RNF130: variants seen among roughly 807,000 people sequenced by gnomAD.
The protein encoded by RNF130 is ring finger protein 130, also known as E3 ubiquitin-protein ligase RNF130.
RNF130 carries 21 observed loss-of-function variants against 44.6 expected under a neutral mutation model. That is an observed-to-expected ratio of 0.47 (90% CI 0.33 to 0.68). The LOEUF (loss-of-function observed/expected upper bound fraction) is 0.68. Ranked by LOEUF, RNF130 falls within the 30% of genes least tolerant of loss-of-function variation. The pLI is 0.02. For synonymous variants in RNF130, 214 were observed against 210.4 expected (o/e 1.02, Z -0.15); for missense variants, 479 against 560.6 (o/e 0.85, Z 1.47).
At chr5:180,057,284 C>T (rs949192610) in intron 1 of RNF130, among the ~76,000 whole-genome samples, 7 of 152,356 alleles carry the variant, frequency 4.6e-5, no homozygotes, top group South Asian at 2.1e-4. Flanking sequence ...CACAGTGGCT[C>T]ACGCCTGTAA....
chr5:179,979,308 C>A (rs1352701542), intron 4 of RNF130, among the ~76,000 whole-genome samples: 1 of 150,202 alleles, frequency 6.7e-6, no homozygotes, highest in African/African-American at 2.5e-5. Context: ...AATGTCTCCA[C>A]CCTCTGAAGC....
chr5:180,009,344 C>T (rs1561690482), intron 3 of RNF130, among the ~76,000 whole-genome samples: 2 of 152,082 alleles, frequency 1.3e-5, no homozygotes. Flanking sequence ...CTCTGCAAGC[C>T]ACATATTTGA....
chr5:179,920,797 T>TATA (rs754416676), intron 7 of RNF130, among the ~76,000 whole-genome samples: 47 of 110,668 alleles, frequency 4.2e-4, no homozygotes, highest in African/African-American at 1.2e-3. Flanking sequence ...ATATATATAT[T>TATA]TTTTTTTTTG....
At chr5:180,058,431 T>A (rs1289548158) in intron 1 of RNF130, among the ~76,000 whole-genome samples, 3 of 152,234 alleles carry the variant, frequency 2.0e-5, no homozygotes, top group Admixed American at 2.0e-4. Context: ...ATATGCTAAG[T>A]GAAATAATCC....
intron 1 of RNF130, among the ~76,000 whole-genome samples, chr5:180,061,873 C>T (rs1169511407): frequency 6.6e-6 from 1 of 152,118 alleles, no homozygotes; most frequent in East Asian, 1.9e-4. Flanking sequence ...AACAAAATAC[C>T]TTAGACTGGG....
intron 7 of RNF130, among the ~76,000 whole-genome samples, chr5:179,943,309 A>G (rs996085900): frequency 2.6e-5 from 4 of 152,206 alleles, no homozygotes; most frequent in Non-Finnish European, 5.9e-5. Flanking sequence ...TGAAACCATC[A>G]TATGCTCATA....
At chr5:180,034,093 C>CT (rs34870362) in intron 2 of RNF130, among the ~76,000 whole-genome samples, 52,298 of 145,378 alleles carry the variant, frequency 0.36, 10,211 homozygotes, top group South Asian at 0.61. Flanking sequence ...GTGTTAAATG[C>CT]TTTTTTTTTT....
rs1354818119 is a variant in RNF130 at position 179,987,422 on chromosome 5, G to A, written c.694-7222C>T. ...TGGCTCAAGTGATCCGCCTACCTTG[G>A]TCTCCCAAAGTGCTGCGATTACAGG... On this transcript the variant is annotated intron_variant, in intron 3 of 8. Coordinates refer to ENST00000521389, the MANE Select transcript of RNF130 (RefSeq NM_018434.6). Among the ~76,000 whole-genome samples, 5 of 152,178 alleles carry A rather than the reference G, an allele frequency of 3.3e-5. No individual in the cohort carries two copies. In the East Asian group the frequency reaches 9.6e-4, roughly 29 times the overall value.
chr5:180,043,425 GT>G (rs1429240534), intron 1 of RNF130, among the ~76,000 whole-genome samples: 1 of 152,020 alleles, frequency 6.6e-6, no homozygotes, highest in Non-Finnish European at 1.5e-5. Flanking sequence ...TGGTGATCCA[GT>G]TTGGTCCCCT....
At chr5:179,937,933 T>TGTGTGTGAGAGAGA (rs1268947878) in intron 7 of RNF130, among the ~76,000 whole-genome samples, 5 of 116,224 alleles carry the variant, frequency 4.3e-5, no homozygotes, top group Admixed American at 8.8e-5. Context: ...TGTGTGTGTG[T>TGTGTGTGAGAGAGA]GAGAGAGAGA....
At chr5:179,936,354 A>G (rs1761891265) in intron 7 of RNF130, among the ~76,000 whole-genome samples, 1 of 152,136 alleles carries the variant, frequency 6.6e-6, no homozygotes, top group Non-Finnish European at 1.5e-5. Context: ...CTCCTGCCTC[A>G]GACTCCCAAA....
chr5:179,950,109 T>C (rs1207592105), downstream of RNF130, among the ~76,000 whole-genome samples: 5 of 152,104 alleles, frequency 3.3e-5, no homozygotes, highest in African/African-American at 1.2e-4. Context: ...ATCATGCTTA[T>C]TAAATAACTT....
At chr5:180,051,808 C>T (rs1764693163) in intron 1 of RNF130, among the ~76,000 whole-genome samples, 1 of 152,068 alleles carries the variant, frequency 6.6e-6, no homozygotes, top group African/African-American at 2.4e-5. Context: ...GTTTAAATGA[C>T]GGCTAATACA....
At chr5:180,002,489 G>A (rs1029052873) in intron 3 of RNF130, among the ~76,000 whole-genome samples, 16 of 152,164 alleles carry the variant, frequency 1.1e-4, no homozygotes, top group African/African-American at 3.9e-4. Flanking sequence ...GCAGCTGTGT[G>A]GGCCACAGGG....
At chr5:180,054,922 T>C (rs1047183809) in intron 1 of RNF130, among the ~76,000 whole-genome samples, 1 of 152,248 alleles carries the variant, frequency 6.6e-6, no homozygotes, top group Non-Finnish European at 1.5e-5. Context: ...TTTTATTTTC[T>C]AATTGTTTGT....
chr5:179,928,660 G>A (rs1260150991), intron 7 of RNF130, among the ~76,000 whole-genome samples: 2 of 145,446 alleles, frequency 1.4e-5, no homozygotes, highest in African/African-American at 2.6e-5. Context: ...ACGGAGTCTC[G>A]CTCTATCACC....
In RNF130 at chr5:179,933,070, A is replaced by C. The variant is rs547224303; in HGVS notation, c.1151-12644T>G. ...AATAGAGCGCAGAGGAGCGATTACC[A>C]GGGTGTTATTTAATGGGTATAGAGT... On this transcript the variant is annotated intron_variant, in intron 7 of 7. Coordinates refer to the RNF130 transcript ENST00000522208. Among the ~76,000 whole-genome samples, 9 of 152,336 alleles carry C rather than the reference A, an allele frequency of 5.9e-5. No homozygotes were observed. The South Asian group carries it at 6.2e-4, about 11-fold the overall frequency.
intron 1 of RNF130, among the ~76,000 whole-genome samples, chr5:180,065,252 A>C (rs1161126918): frequency 6.6e-6 from 1 of 152,206 alleles, no homozygotes; most frequent in Non-Finnish European, 1.5e-5. Flanking sequence ...AAAAATTAAC[A>C]ATAATTTTTA....
downstream of RNF130, among the ~76,000 whole-genome samples, chr5:179,950,565 G>A (rs933725484): frequency 2.4e-4 from 36 of 152,220 alleles, no homozygotes; most frequent in Non-Finnish European, 5.0e-4. Flanking sequence ...AATAATGTCT[G>A]TTAAATTTCA....
Sources: gnomAD v4.1 joint callset for allele counts (sites outside exome capture counted in the v4.1 genomes callset) on GRCh38, gnomAD v4.1.1 for gene constraint, MANE v1.5 for transcripts, NCBI Gene and HGNC (gene_info 2026-07-23, HGNC 2026-07-21) for gene names.